Variants in TGFB1 observed in about 807,000 individuals in gnomAD.
TGFB1 encodes the protein transforming growth factor beta 1.
A neutral mutation model predicts 43.8 loss-of-function variants in TGFB1; 19 were observed. The observed-to-expected ratio is 0.43, with a 90% CI of 0.30 to 0.64. The LOEUF is 0.64. Among genes scored for constraint, TGFB1 ranks in the 30% least tolerant of loss-of-function variants. TGFB1 has a pLI of 0.11. For synonymous variants in TGFB1, 221 were observed against 236.3 expected (o/e 0.94, Z 0.60); for missense variants, 445 against 529.8 (o/e 0.84, Z 1.57).
At chr19:41,337,881 C>G (rs2038005289) in intron 5 of TGFB1, among the ~76,000 whole-genome samples, 1 of 152,164 alleles carries the variant, frequency 6.6e-6, no homozygotes, top group Non-Finnish European at 1.5e-5. Flanking sequence ...ATTTTCTTTT[C>G]TCTATCTTAT....
intron 4 of TGFB1, 30 bp downstream of exon 4, chr19:41,342,140 A>G (rs1255803768): frequency 1.2e-6 from 2 of 1,611,518 alleles, no homozygotes; most frequent in Middle Eastern, 1.7e-4. Flanking sequence ...ACACGTCACA[A>G]CTGGGCATGG....
At chr19:41,338,578 C>A (rs1178469536) in intron 5 of TGFB1, among the ~76,000 whole-genome samples, 1 of 151,528 alleles carries the variant, frequency 6.6e-6, no homozygotes, top group Admixed American at 6.6e-5. Flanking sequence ...GTGGCTCATG[C>A]CTGTAATCCT....
In TGFB1 at chr19:41,342,198, C is replaced by T. The variant is rs771288773; in HGVS notation, c.684G>A (p.Arg228=). ...TGATGTCCACTTGCAGTGTGTTATC[C>T]CTGCTGTCACAGGAGCAGTGGGCGC... ...RLSAHCSCDS[R]DNTLQVDING... The change falls in exon 4 of 7, where the codon AGG becomes AGA. Residue 228 remains arginine (R), a synonymous_variant. Transcript: ENST00000221930. The T allele has an allele frequency of 1.2e-6, 2 of 1,608,458 alleles. No individual in the cohort carries two copies. Among genetic ancestry groups the T allele is most frequent in the Non-Finnish European group, 1.7e-6 (2 of 1,177,426 alleles).
At chr19:41,342,086 A>C in intron 4 of TGFB1, 56 bp from the exon 5 acceptor site, 1 of 1,613,552 alleles carries the variant, frequency 6.2e-7, no homozygotes, top group Admixed American at 1.7e-5. Flanking sequence ...TCTCAGAGGG[A>C]TAGATAAGTG....
rs11466324 is a variant in TGFB1, at chr19:41,348,480, C to T, written c.356-25G>A. On this transcript the variant is annotated intron_variant, in intron 1 of 6. Transcript: ENST00000221930. The stretch of plus-strand genomic sequence containing the variant: ...TCTAGCAGGGAGAAATGAAGGGAGG[C>T]GATCAGGGGTTTGGCAGAGGTGAGG... 20 of 1,609,396 alleles carry T rather than the reference C, an allele frequency of 1.2e-5. 1 individual carries two copies. The highest frequency in any genetic ancestry group is 6.7e-5 in the African/African-American group (5 of 74,800).
At position 41,330,945 on chromosome 19, in the gene TGFB1, G is replaced by T; in HGVS notation, c.*107C>A. The T allele has an allele frequency of 9.2e-7, 1 of 1,084,500 alleles. No individual in the cohort carries two copies. The highest frequency in any genetic ancestry group is 1.3e-6 in the Non-Finnish European group (1 of 799,224). 67.2% of individuals were successfully genotyped at this position (1,084,500 alleles called of 1,614,324 possible). Reference sequence around the variant, plus strand: ...CTCCATCTTTAATGGGGCCCCAGGTGGGCTTGGGGCACGGGTGTCCTTAAA... The same window carrying T: ...CTCCATCTTTAATGGGGCCCCAGGTTGGCTTGGGGCACGGGTGTCCTTAAA... On this transcript the variant is annotated 3_prime_UTR_variant, in exon 7 of 7. Transcript: ENST00000221930.
At chr19:41,343,416 G>A (rs570374973) in intron 3 of TGFB1, among the ~76,000 whole-genome samples, 3 of 152,276 alleles carry the variant, frequency 2.0e-5, no homozygotes, top group South Asian at 2.1e-4. Context: ...TTACAGGCGT[G>A]AGCCACCATG....
chr19:41,341,240 G>C (rs1006163845), intron 5 of TGFB1, among the ~76,000 whole-genome samples: 2 of 151,836 alleles, frequency 1.3e-5, no homozygotes, highest in Non-Finnish European at 2.9e-5. Flanking sequence ...GCTGAGGTGG[G>C]TGTATCACGA....
At chr19:41,338,257 G>A (rs976489907) in intron 5 of TGFB1, among the ~76,000 whole-genome samples, 4 of 151,272 alleles carry the variant, frequency 2.6e-5, no homozygotes, top group Non-Finnish European at 4.4e-5. Context: ...ACTTTGGGAG[G>A]CTGAGGCGGG....
At chr19:41,351,665 C>G (rs80224671) in intron 1 of TGFB1, among the ~76,000 whole-genome samples, 14 of 152,274 alleles carry the variant, frequency 9.2e-5, no homozygotes, top group Non-Finnish European at 1.6e-4. Context: ...CTCCTCCCCC[C>G]GCGCGTGGCA....
Position 41,353,700 on chromosome 19 carries a change from GC to G in TGFB1, c.-657del, listed in dbSNP as rs1207329641. The G allele has an allele frequency of 6.5e-6, 1 of 153,724 alleles. No individual in the cohort carries two copies. Among genetic ancestry groups the G allele is most frequent in the Non-Finnish European group, 1.4e-5 (1 of 69,330 alleles). The allele number at this position is 153,724 out of a possible 1,614,324, so 9.5% of individuals were successfully genotyped here. A position where few individuals can be genotyped will look rare whatever the true frequency, so the allele number is the denominator to read the frequency against. ...CCTCCTCCCCCTCCTCCCCGCAGTGGCGGGGGCGGCGGCGGCTCGTCTCAGA... is the reference window on the plus strand; with the variant it reads ...CCTCCTCCCCCTCCTCCCCGCAGTGGGGGGGCGGCGGCGGCTCGTCTCAGA... On this transcript the variant is annotated 5_prime_UTR_variant, in exon 1 of 7. Transcript: ENST00000221930. The surrounding 1 kb of genome is among the most constrained non-coding windows in gnomAD (Gnocchi z 5.9).
intron 5 of TGFB1, among the ~76,000 whole-genome samples, chr19:41,339,685 G>A (rs569118253): frequency 1.5e-4 from 22 of 151,658 alleles, no homozygotes; most frequent in Admixed American, 1.3e-3. Context: ...TTAGCCGGGT[G>A]TGGTGGCACA....
Position 41,331,179 on chromosome 19 carries a change from C to T in TGFB1, c.1046G>A (p.Gly349Asp), listed in dbSNP as rs1307016918. Residue 349 changes from glycine (G) to aspartate (D), a missense_variant, in exon 7 of 7, where the codon GGC becomes GAC. Gly to Asp is a moderately conservative substitution (Grantham distance 94, BLOSUM62 -1). Transcript: ENST00000221930. ...VLALYNQHNP[G>D]ASAAPCCVPQ... ...CACGCAGCACGGCGCCGCCGAGGCG[C>T]CCGGGTTATGCTGGTTGTACAGGGC... 6.5e-7 allele frequency: 1 copy of T among 1,547,642 alleles called. No homozygotes were observed. The highest frequency in any genetic ancestry group is 1.2e-5 in the South Asian group (1 of 84,426).
intron 1 of TGFB1, among the ~76,000 whole-genome samples, chr19:41,352,179 C>T (rs2038208518): frequency 6.6e-6 from 1 of 152,038 alleles, no homozygotes; most frequent in African/African-American, 2.4e-5. Context: ...TTTCCTGGCA[C>T]CCTCTGGGGT....
At position 41,348,333 on chromosome 19, in the gene TGFB1, G is replaced by A. The variant is rs949708343; in HGVS notation, c.478C>T (p.Leu160Phe). 1 of 1,613,536 alleles carries A rather than the reference G, an allele frequency of 6.2e-7. No homozygotes were observed. The highest frequency in any genetic ancestry group is 2.2e-5 in the East Asian group (1 of 44,858). Residue 160 changes from leucine (L) to phenylalanine (F), a missense_variant, in exon 2 of 7, where the codon CTC becomes TTC. Coordinates refer to ENST00000221930, the MANE Select transcript of TGFB1 (RefSeq NM_000660.7). ...ACGTGCTGCTCCACTTTTAACTTGA[G>A]CCTCAGCAGACGCAGCTCTGCCCGG... ...LSRAELRLLR[L>F]KLKVEQHVEL...
chr19:41,337,868 G>A (rs1009907025), intron 5 of TGFB1, among the ~76,000 whole-genome samples: 3 of 152,100 alleles, frequency 2.0e-5, no homozygotes, highest in Non-Finnish European at 4.4e-5. Flanking sequence ...TTTTCTTAAG[G>A]ACATTTTCTT....
intron 3 of TGFB1, among the ~76,000 whole-genome samples, chr19:41,344,114 C>CA (rs1202352785): frequency 1.3e-5 from 2 of 151,584 alleles, no homozygotes; most frequent in African/African-American, 2.4e-5. Flanking sequence ...TCCCAAGCAG[C>CA]TGGAACTACA....
chr19:41,349,034 A>G (rs1349647138), intron 1 of TGFB1, among the ~76,000 whole-genome samples: 1 of 152,054 alleles, frequency 6.6e-6, no homozygotes, highest in Non-Finnish European at 1.5e-5. Flanking sequence ...ATGTAGCATC[A>G]TCTCTCAAGT....
At chr19:41,349,447 C>T (rs2038156706) in intron 1 of TGFB1, among the ~76,000 whole-genome samples, 2 of 152,180 alleles carry the variant, frequency 1.3e-5, no homozygotes, top group South Asian at 4.1e-4. Context: ...ACACTGGTCA[C>T]TCAATCATGT....
Sources: gnomAD v4.1 joint callset for allele counts (sites outside exome capture counted in the v4.1 genomes callset) on GRCh38, gnomAD v4.1.1 for gene constraint, Gnocchi (gnomAD v3.1) non-coding constraint, MANE v1.5 for transcripts, NCBI Gene and HGNC (gene_info 2026-07-23, HGNC 2026-07-21) for gene names.